The following CHUK variants were observed in gnomAD, a reference collection of about 807,000 sequenced individuals.
CHUK encodes the protein component of inhibitor of nuclear factor kappa B kinase complex.
CHUK carries 35 observed loss-of-function variants against 104.8 expected under a neutral mutation model. That is an observed-to-expected ratio of 0.33 (90% CI 0.26 to 0.44). The LOEUF is 0.44. Among genes scored for constraint, CHUK ranks in the 20% least tolerant of loss-of-function variants. The pLI is 1.00. For missense variants in CHUK, 663 were observed against 902.7 expected (o/e 0.73, Z 3.40); for synonymous variants, 276 against 291.9 (o/e 0.95, Z 0.56).
chr10:100,205,197 G>A lies in CHUK; in HGVS notation c.1234C>T (p.Gln412Ter). The change falls in exon 12 of 21, where the codon CAG (glutamine) becomes TAG (stop). Residue 412 changes from glutamine (Q) to a stop codon, truncating the protein, a stop_gained and splice_region_variant. Coordinates refer to ENST00000370397, the MANE Select transcript of CHUK (RefSeq NM_001278.5). LOFTEE classifies it high-confidence loss of function. ...SLSDCVNYIV[Q>*]DSKIQLPIIQ... is the part of the protein sequence containing the mutation. ...ATTGGAAGCTGTATTTTGCTGTCCT[G>A]TACTATATACAAGAAGATGAGAAAA... The A allele has an allele frequency of 6.2e-7, 1 of 1,613,912 alleles. No individual in the cohort carries two copies. Among genetic ancestry groups the A allele is most frequent in the Non-Finnish European group, 8.5e-7 (1 of 1,179,814 alleles).
chr10:100,201,228 C>T (rs1845454832), intron 14 of CHUK, among the ~76,000 whole-genome samples: 1 of 152,108 alleles, frequency 6.6e-6, no homozygotes, highest in Non-Finnish European at 1.5e-5. Context: ...TATCCCCACC[C>T]ACATCCTCAG....
In CHUK at chr10:100,218,837, A is replaced by G; in HGVS notation, c.690-12T>C. On this transcript the variant is annotated splice_polypyrimidine_tract_variant and intron_variant, in intron 7 of 20. Transcript: ENST00000370397. ...TAATCTTCTCATGCCTATAAAATCA[A>G]AAGCTACCTCAGTTGACAAAGTGAT... The G allele has an allele frequency of 6.3e-7, 1 of 1,595,252 alleles. No homozygotes were observed. Among genetic ancestry groups the G allele is most frequent in the South Asian group, 1.1e-5 (1 of 90,670 alleles).
Position 100,210,452 on chromosome 10 carries a change from G to T in CHUK, c.934-663C>A, listed in dbSNP as rs79193770. On this transcript the variant is annotated intron_variant, in intron 9 of 20. Coordinates refer to ENST00000370397, the MANE Select transcript of CHUK (RefSeq NM_001278.5). ...AAGGAAACATTCCAATTCATGAAGTGCCTAACAGAAGACAACCACAGGCAT... is the reference window on the plus strand; with the variant it reads ...AAGGAAACATTCCAATTCATGAAGTTCCTAACAGAAGACAACCACAGGCAT... Among the ~76,000 whole-genome samples the T allele has an allele frequency of 2.3e-3, 345 of 152,264 alleles. 1 individual carries two copies. Among genetic ancestry groups the T allele is most frequent in the African/African-American group, 7.6e-3 (315 of 41,564 alleles).
chr10:100,193,504 A>G (rs1174543986), intron 18 of CHUK, 73 bp from the exon 19 acceptor site: 1 of 1,558,708 alleles, frequency 6.4e-7, no homozygotes, highest in South Asian at 1.1e-5. Context: ...TTCTTATCAT[A>G]TTCCTAAGAC....
chr10:100,199,895 A>T, intron 16 of CHUK, 76 bp downstream of exon 16: 2 of 1,069,842 alleles, frequency 1.9e-6, no homozygotes, highest in Non-Finnish European at 2.9e-6. Context: ...ACTTAAAAAT[A>T]TTAGATCCCC....
intron 19 of CHUK, 90 bp from the exon 20 acceptor site, chr10:100,191,058 A>T (rs955359744): frequency 1.2e-6 from 1 of 827,864 alleles, no homozygotes; most frequent in African/African-American, 1.7e-5. Flanking sequence ...TAGCAAGATC[A>T]CTAGCCTTCC....
At chr10:100,194,260 A>G in intron 17 of CHUK, 129 bp from the exon 18 acceptor site, 1 of 1,144,862 alleles carries the variant, frequency 8.7e-7, no homozygotes, top group Non-Finnish European at 1.3e-6. Flanking sequence ...AAAGTAATGC[A>G]TACAAAAGGA....
At chr10:100,200,288 T>C (rs1054962728) in intron 15 of CHUK, among the ~76,000 whole-genome samples, 4 of 152,202 alleles carry the variant, frequency 2.6e-5, no homozygotes, top group African/African-American at 9.7e-5. Flanking sequence ...TTATGACCTA[T>C]AATTCGAGAA....
intron 18 of CHUK, 47 bp from the exon 19 acceptor site, chr10:100,193,478 TG>T (rs1845252425): frequency 6.2e-7 from 1 of 1,609,092 alleles, no homozygotes; most frequent in Admixed American, 1.7e-5. Flanking sequence ...CAAGCATCTC[TG>T]TTGATTCACA....
chr10:100,225,804 GA>G lies in CHUK; in HGVS notation c.200+118del, dbSNP rs1327950542. On this transcript the variant is annotated intron_variant, in intron 2 of 20. Transcript: ENST00000370397. ...TTGAAATAGAATATATTTAATGAGA[GA>G]AAAAAATATATGTTCCCAAAAAGAT... 2.4e-5 allele frequency: 16 copies of G among 671,862 alleles called. No individual in the cohort carries two copies. The Admixed American group carries it at 2.9e-4, about 12-fold the overall frequency. 41.6% of individuals were successfully genotyped at this position (671,862 alleles called of 1,614,324 possible). A position where few individuals can be genotyped will look rare whatever the true frequency, so the allele number is the denominator to read the frequency against.
intron 13 of CHUK, among the ~76,000 whole-genome samples, chr10:100,202,985 C>T (rs1284837984): frequency 6.6e-6 from 1 of 152,106 alleles, no homozygotes; most frequent in Non-Finnish European, 1.5e-5. Flanking sequence ...TCTTGAATTC[C>T]TGAGCTCAAG....
chr10:100,187,995 A>G (rs1845106915), downstream of CHUK: 1 of 152,130 alleles, frequency 6.6e-6, no homozygotes. Flanking sequence ...ATCTTCTAAA[A>G]CCAGGGAAAC....
rs59218517 is a variant in CHUK, at chr10:100,228,993, G to GCACACACACACACACACA, written c.105+417_105+434dup. On this transcript the variant is annotated intron_variant, in intron 1 of 20. Transcript: ENST00000370397. The stretch of plus-strand genomic sequence containing the variant: ...GGCCTCCAAGCGCGCGCGCGCGCGC[G>GCACACACACACACACACA]CACACACACACACACACACACACAC... 1.5e-3 allele frequency among the ~76,000 whole-genome samples: 200 copies of GCACACACACACACACACA among 133,542 alleles called. 3 individuals are homozygous for GCACACACACACACACACA. Among genetic ancestry groups the GCACACACACACACACACA allele is most frequent in the East Asian group, 9.9e-3 (43 of 4,334 alleles). 87.6% of individuals were successfully genotyped at this position (133,542 alleles called of 152,430 possible).
intron 9 of CHUK, among the ~76,000 whole-genome samples, chr10:100,216,425 C>T (rs982859941): frequency 3.9e-5 from 6 of 152,188 alleles, no homozygotes; most frequent in Admixed American, 6.5e-5. Flanking sequence ...ATGCCAAGGT[C>T]GGGCACAGTA....
intron 13 of CHUK, among the ~76,000 whole-genome samples, chr10:100,204,062 A>G (rs1183871577): frequency 6.6e-6 from 1 of 152,156 alleles, no homozygotes; most frequent in Non-Finnish European, 1.5e-5. Flanking sequence ...CTTTTGTAAG[A>G]GCATTAATCC....
intron 9 of CHUK, among the ~76,000 whole-genome samples, chr10:100,212,463 C>A (rs972409466): frequency 6.6e-6 from 1 of 152,034 alleles, no homozygotes; most frequent in Non-Finnish European, 1.5e-5. Flanking sequence ...TAATTCAGGT[C>A]CTTTGCACAT....
intron 1 of CHUK, among the ~76,000 whole-genome samples, chr10:100,228,075 T>C (rs767672773): frequency 1.3e-5 from 2 of 152,240 alleles, no homozygotes; most frequent in Non-Finnish European, 2.9e-5. Flanking sequence ...CAGCAGGTGC[T>C]AACAGTTGAG....
intron 9 of CHUK, among the ~76,000 whole-genome samples, chr10:100,210,858 TG>T (rs777577238): frequency 2.0e-5 from 3 of 152,178 alleles, no homozygotes; most frequent in Non-Finnish European, 4.4e-5. Flanking sequence ...CTGAGTCAGG[TG>T]GGGCTCTGTC....
chr10:100,200,073 T>C (rs1305521500), intron 15 of CHUK, 53 bp from the exon 16 acceptor site: 3 of 1,268,834 alleles, frequency 2.4e-6, no homozygotes, highest in Non-Finnish European at 3.5e-6. Flanking sequence ...ATGACTTCAA[T>C]AATCTACAAC....
Sources: allele counts gnomAD v4.1 joint callset (sites outside exome capture counted in the v4.1 genomes callset), GRCh38; gene constraint gnomAD v4.1.1; transcripts MANE v1.5; gene names NCBI Gene and HGNC (gene_info 2026-07-23, HGNC 2026-07-21).